Variants in STMN2 observed in about 807,000 individuals in gnomAD.
STMN2 encodes stathmin-2.
In STMN2, 2 loss-of-function variants were observed where a neutral mutation model predicts 24.1. The ratio of observed to expected loss-of-function variants is 0.08; its 90% CI spans 0.03 to 0.26. STMN2 has a LOEUF of 0.26. Ranked by LOEUF, STMN2 falls within the 10% of genes least tolerant of loss-of-function variation. The probability of loss-of-function intolerance (pLI) is 1.00; values close to 1 mark genes in which losing one functional copy is unlikely to be tolerated. For missense variants in STMN2, 114 were observed against 213.6 expected, an observed-to-expected ratio of 0.53 and a Z score of 2.91; for synonymous variants, 83 against 77.5, an observed-to-expected ratio of 1.07 and a Z score of -0.37.
chr8:79,656,038 G>A (rs557980825), intron 4 of STMN2, among the ~76,000 whole-genome samples: 1 of 152,172 alleles, frequency 6.6e-6, no homozygotes, highest in Non-Finnish European at 1.5e-5. Flanking sequence ...TCTTCTGTTA[G>A]AGATGGCCCT....
chr8:79,629,685 C>A (rs1809753357), intron 1 of STMN2, among the ~76,000 whole-genome samples: 1 of 152,076 alleles, frequency 6.6e-6, no homozygotes, highest in South Asian at 2.1e-4. Context: ...ATAGTCATCT[C>A]CCATTAATTA....
chr8:79,631,468 G>T, intron 1 of STMN2: 1 of 983,634 alleles, frequency 1.0e-6, no homozygotes, highest in Non-Finnish European at 1.2e-6. Context: ...AAAGCAATTA[G>T]CATTACATCA....
intron 1 of STMN2, among the ~76,000 whole-genome samples, chr8:79,634,286 G>A (rs1273229399): frequency 1.3e-5 from 2 of 151,784 alleles, no homozygotes; most frequent in Non-Finnish European, 2.9e-5. Flanking sequence ...GGATCTGCCT[G>A]GGCCTTTATA....
chr8:79,636,750 A>C (rs1299703878), intron 1 of STMN2, 52 bp from the exon 2 acceptor site: 3 of 1,527,546 alleles, frequency 2.0e-6, no homozygotes, highest in Admixed American at 1.7e-5. Context: ...GGAAGCAGTA[A>C]AGAGAAATTC....
chr8:79,641,539 G>C lies in STMN2; in HGVS notation c.277G>C (p.Glu93Gln). Residue 93 changes from glutamate (E) to glutamine (Q), a missense_variant, in exon 3 of 5, where the codon GAA becomes CAA. Glu to Gln is a conservative substitution (Grantham distance 29). Transcript: ENST00000220876. ...EIQKKLEAAE[E>Q]RRKSQEAQVL... Reference sequence around the variant, plus strand: ...CCAGAAGAAACTGGAGGCTGCAGAGGAAAGAAGAAAGGTAACTTTTTCCAT... The same window carrying C: ...CCAGAAGAAACTGGAGGCTGCAGAGCAAAGAAGAAAGGTAACTTTTTCCAT... The C allele has an allele frequency of 1.2e-6, 2 of 1,604,078 alleles. No homozygotes were observed. Among genetic ancestry groups the C allele is most frequent in the Non-Finnish European group, 1.7e-6 (2 of 1,174,662 alleles).
chr8:79,662,101 G>A (rs1029080570), intron 4 of STMN2, among the ~76,000 whole-genome samples: 1 of 152,048 alleles, frequency 6.6e-6, no homozygotes, highest in Non-Finnish European at 1.5e-5. Context: ...CCTTCCAGTA[G>A]AGAAATCTTT....
chr8:79,664,787 C>T (rs1195497023), intron 4 of STMN2, 28 bp from the exon 5 acceptor site: 2 of 1,609,460 alleles, frequency 1.2e-6, no homozygotes, highest in Non-Finnish European at 1.7e-6. Context: ...GGGCCTGTGA[C>T]ATTTCTTCTT....
intron 1 of STMN2, among the ~76,000 whole-genome samples, chr8:79,624,677 G>T (rs1809610686): frequency 1.3e-5 from 2 of 152,136 alleles, no homozygotes; most frequent in African/African-American, 2.4e-5. Context: ...AATTTTAGAA[G>T]TGAACTATGA....
intron 3 of STMN2, among the ~76,000 whole-genome samples, chr8:79,642,514 GCA>G (rs954428775): frequency 1.3e-5 from 2 of 152,074 alleles, no homozygotes; most frequent in African/African-American, 2.4e-5. Flanking sequence ...CATGTTCCCT[GCA>G]CAGTTTTATG....
chr8:79,631,509 A>C, intron 1 of STMN2: 1 of 873,554 alleles, frequency 1.1e-6, no homozygotes. Context: ...ATATTACCTC[A>C]TGTCAGTGAT....
intron 4 of STMN2, among the ~76,000 whole-genome samples, chr8:79,664,119 T>C (rs4451344): frequency 0.022 from 3,410 of 152,286 alleles, 121 homozygotes; most frequent in African/African-American, 0.077. Flanking sequence ...TATGCAGGTG[T>C]TCAAATGGAA....
At chr8:79,619,667 T>A (rs1453052223) in intron 1 of STMN2, among the ~76,000 whole-genome samples, 1 of 152,188 alleles carries the variant, frequency 6.6e-6, no homozygotes, top group Non-Finnish European at 1.5e-5. Flanking sequence ...CAGAACATAA[T>A]TATTTTTATT....
chr8:79,634,030 T>G (rs1387307000), intron 1 of STMN2, among the ~76,000 whole-genome samples: 1 of 152,220 alleles, frequency 6.6e-6, no homozygotes, highest in African/African-American at 2.4e-5. Flanking sequence ...GAAAATCTTT[T>G]ATTTTATTTT....
chr8:79,644,954 A>G lies in STMN2; in HGVS notation c.288+3404A>G, dbSNP rs1364771743. 2.0e-5 allele frequency among the ~76,000 whole-genome samples: 3 copies of G among 152,338 alleles called. No homozygotes were observed. The East Asian group carries it at 5.8e-4, about 29-fold the overall frequency. ...TGGATCACCTGAGATCAGGAGTTCA[A>G]GACCAGCCTGGCCAACATGGCAAAA... On this transcript the variant is annotated intron_variant, in intron 3 of 4. Coordinates refer to ENST00000220876, the MANE Select transcript of STMN2 (RefSeq NM_007029.4).
At chr8:79,623,060 TC>T in intron 1 of STMN2, among the ~76,000 whole-genome samples, 1 of 152,314 alleles carries the variant, frequency 6.6e-6, no homozygotes, top group Non-Finnish European at 1.5e-5. Flanking sequence ...TCAGGGATCC[TC>T]CCGTTGCTTT....
chr8:79,656,176 T>C (rs1466920230), intron 4 of STMN2, among the ~76,000 whole-genome samples: 3 of 152,146 alleles, frequency 2.0e-5, no homozygotes, highest in African/African-American at 7.2e-5. Flanking sequence ...AAGATATAAT[T>C]GCATGGAGAT....
intron 1 of STMN2, among the ~76,000 whole-genome samples, chr8:79,633,689 G>A (rs766139743): frequency 6.6e-6 from 1 of 152,144 alleles, no homozygotes; most frequent in Non-Finnish European, 1.5e-5. Context: ...ATTCATGAAG[G>A]CTTCACCTTC....
At chr8:79,628,793 A>C (rs1809728005) in intron 1 of STMN2, among the ~76,000 whole-genome samples, 1 of 152,212 alleles carries the variant, frequency 6.6e-6, no homozygotes, top group Admixed American at 6.5e-5. Flanking sequence ...GAAAAAATGG[A>C]AAATTTATCC....
In STMN2 at chr8:79,636,877, T is replaced by C; in HGVS notation, c.95T>C (p.Ile32Thr). ...CSCFYPEPRN[I>T]NIYTYDDMEV... is the part of the protein sequence containing the mutation. ...TGCTTTTACCCGGAACCTCGCAACA[T>C]CAACATCTATACTTACGATGGTGAG... is the stretch of plus-strand genomic sequence containing the variant. The change falls in exon 2 of 5, where the codon ATC (isoleucine) becomes ACC (threonine). Residue 32 changes from isoleucine (I) to threonine (T), a missense_variant. Ile to Thr is a moderately conservative substitution (Grantham distance 89). Transcript: ENST00000220876. 1 of 1,613,794 alleles carries C rather than the reference T, an allele frequency of 6.2e-7. No homozygotes were observed. Among genetic ancestry groups the C allele is most frequent in the Non-Finnish European group, 8.5e-7 (1 of 1,179,752 alleles).
Sources: allele counts gnomAD v4.1 joint callset (sites outside exome capture counted in the v4.1 genomes callset), GRCh38; gene constraint gnomAD v4.1.1; transcripts MANE v1.5; gene names NCBI Gene and HGNC (gene_info 2026-07-23, HGNC 2026-07-21).